LMNB1: variants seen among roughly 807,000 people sequenced by gnomAD.
The protein encoded by LMNB1 is lamin-B1.
Under a neutral mutation model 67.1 loss-of-function variants are expected in LMNB1, and 23 were observed. The ratio of observed to expected loss-of-function variants is 0.34; its 90% CI spans 0.25 to 0.49. LMNB1 has a LOEUF of 0.49. LMNB1 is among the 20% of genes least tolerant of loss of function. The pLI, the probability that LMNB1 is intolerant of heterozygous loss-of-function variation, is 0.99. For synonymous variants in LMNB1, 281 were observed against 282.9 expected (o/e 0.99, Z 0.07); for missense variants, 634 against 746.5 (o/e 0.85, Z 1.76).
intron 1 of LMNB1, among the ~76,000 whole-genome samples, chr5:126,779,412 GCAGT>G (rs949425960): frequency 2.6e-5 from 4 of 152,086 alleles, no homozygotes; most frequent in East Asian, 1.9e-4. Context: ...TTTAAAATGA[GCAGT>G]CAGTTAACTC....
intron 4 of LMNB1, among the ~76,000 whole-genome samples, chr5:126,810,775 A>G (rs963792488): frequency 2.6e-5 from 4 of 152,202 alleles, no homozygotes; most frequent in Admixed American, 6.5e-5. Context: ...TGTGACTACC[A>G]CACTTCCGGC....
intron 1 of LMNB1, among the ~76,000 whole-genome samples, chr5:126,787,524 G>GTATATATATATATATATATATATA (rs1179342923): frequency 6.8e-5 from 6 of 87,676 alleles, no homozygotes; most frequent in African/African-American, 2.7e-4. Context: ...GTGTGTGGGG[G>GTATATATATATATATATATATATA]TATATATATA....
rs116492559 is a variant in LMNB1 at position 126,826,514 on chromosome 5, T to G, written c.1611+407T>G. 5.5e-3 allele frequency among the ~76,000 whole-genome samples: 831 copies of G among 152,304 alleles called. 7 individuals are homozygous for G. Among genetic ancestry groups the G allele is most frequent in the Non-Finnish European group, 6.6e-3 (448 of 68,022 alleles). ...ATAGTACCTTTATCTAGTAAATGCT[T>G]AAATTATTAACCTTGTTACTAGCTC... On this transcript the variant is annotated intron_variant, in intron 9 of 10. Transcript: ENST00000261366.
chr5:126,791,116 T>A (rs950020416), intron 1 of LMNB1, among the ~76,000 whole-genome samples: 9 of 152,166 alleles, frequency 5.9e-5, no homozygotes, highest in African/African-American at 2.2e-4. Flanking sequence ...GAAGTAATGA[T>A]GAGTGAAAAA....
At chr5:126,789,828 C>A (rs190051886) in intron 1 of LMNB1, among the ~76,000 whole-genome samples, 2 of 152,076 alleles carry the variant, frequency 1.3e-5, no homozygotes, top group African/African-American at 4.8e-5. Context: ...CACCTACCAA[C>A]GAGCCCGACT....
intron 1 of LMNB1, among the ~76,000 whole-genome samples, chr5:126,801,443 T>C (rs1248980552): frequency 6.6e-6 from 1 of 152,156 alleles, no homozygotes. Context: ...CCTGTCCTCC[T>C]TATCTTCTTT....
chr5:126,788,186 A>T (rs1434110524), intron 1 of LMNB1, among the ~76,000 whole-genome samples: 1 of 152,146 alleles, frequency 6.6e-6, no homozygotes. Context: ...GTGGGGAATG[A>T]ACAGGTTTGG....
At chr5:126,800,476 G>A (rs992350722) in intron 1 of LMNB1, among the ~76,000 whole-genome samples, 4 of 151,608 alleles carry the variant, frequency 2.6e-5, no homozygotes, top group African/African-American at 4.8e-5. Flanking sequence ...AGTGAAGTCC[G>A]AGGCTCAGAA....
At chr5:126,793,135 G>T (rs1751007604) in intron 1 of LMNB1, among the ~76,000 whole-genome samples, 1 of 152,222 alleles carries the variant, frequency 6.6e-6, no homozygotes, top group African/African-American at 2.4e-5. Flanking sequence ...GCAAACTGGA[G>T]AATGGACATT....
chr5:126,786,154 G>A (rs1275043938), intron 1 of LMNB1, among the ~76,000 whole-genome samples: 5 of 120,094 alleles, frequency 4.2e-5, no homozygotes, highest in African/African-American at 6.2e-5. Flanking sequence ...TGGCTCTGTC[G>A]CCCAGGCTGG....
intron 1 of LMNB1, among the ~76,000 whole-genome samples, chr5:126,785,638 T>A (rs1032041735): frequency 6.6e-6 from 1 of 151,984 alleles, no homozygotes; most frequent in Admixed American, 6.6e-5. Flanking sequence ...TTAAATTTTT[T>A]AAACAGCAAA....
intron 1 of LMNB1, among the ~76,000 whole-genome samples, chr5:126,802,474 C>G (rs1033257586): frequency 6.6e-6 from 1 of 152,174 alleles, no homozygotes; most frequent in African/African-American, 2.4e-5. Context: ...GACGGAGTCT[C>G]ACTCTGTCAC....
At chr5:126,808,635 A>C (rs534801105) in intron 3 of LMNB1, among the ~76,000 whole-genome samples, 60 of 152,306 alleles carry the variant, frequency 3.9e-4, no homozygotes, top group African/African-American at 1.2e-3. Flanking sequence ...GTCACTCTTC[A>C]GTATTTTTGT....
chr5:126,785,080 A>G (rs1210096252), intron 1 of LMNB1, among the ~76,000 whole-genome samples: 1 of 150,870 alleles, frequency 6.6e-6, no homozygotes, highest in Non-Finnish European at 1.5e-5. Context: ...CCCGGGTTCA[A>G]GTGATTCTGC....
intron 1 of LMNB1, among the ~76,000 whole-genome samples, chr5:126,795,519 G>A (rs188053026): frequency 2.3e-4 from 35 of 152,264 alleles, no homozygotes; most frequent in Non-Finnish European, 2.9e-5. Context: ...ATGACTTTTG[G>A]AAGAATGTAC....
intron 8 of LMNB1, among the ~76,000 whole-genome samples, chr5:126,823,877 A>G (rs1751927887): frequency 6.6e-6 from 1 of 152,206 alleles, no homozygotes; most frequent in Non-Finnish European, 1.5e-5. Context: ...ATTGCTCACT[A>G]TAGCAATTGC....
At chr5:126,787,546 A>ATATATATATATATATATATATTT in intron 1 of LMNB1, among the ~76,000 whole-genome samples, 8 of 65,572 alleles carry the variant, frequency 1.2e-4, no homozygotes, top group African/African-American at 3.9e-4. Flanking sequence ...ATATATATAT[A>ATATATATATATATATATATATTT]TTTTTTTTTT....
At chr5:126,806,801 C>G (rs531411892) in intron 3 of LMNB1, among the ~76,000 whole-genome samples, 3 of 150,804 alleles carry the variant, frequency 2.0e-5, no homozygotes, top group Non-Finnish European at 4.4e-5. Context: ...TTTTGAGACA[C>G]GAGACCCGCT....
chr5:126,817,765 T>A (rs767434986), intron 5 of LMNB1, among the ~76,000 whole-genome samples: 19 of 152,232 alleles, frequency 1.2e-4, no homozygotes, highest in Non-Finnish European at 2.4e-4. Flanking sequence ...AGCTCCTTTT[T>A]ATCTCTAGCC....
Sources: allele counts gnomAD v4.1 joint callset (sites outside exome capture counted in the v4.1 genomes callset), GRCh38; gene constraint gnomAD v4.1.1; transcripts MANE v1.5; gene names NCBI Gene and HGNC (gene_info 2026-07-23, HGNC 2026-07-21).